Variants in SLC30A7 observed in about 807,000 individuals in gnomAD.
The protein encoded by SLC30A7 is solute carrier family 30 member 7.
Under a neutral mutation model 46.0 loss-of-function variants are expected in SLC30A7, and 35 were observed. That is an observed-to-expected ratio of 0.76 (90% CI 0.58 to 1.01). SLC30A7 has a LOEUF of 1.01. SLC30A7 is among the 50% of genes least tolerant of loss of function. The probability of loss-of-function intolerance (pLI) is 0.00; values close to 1 mark genes in which losing one functional copy is unlikely to be tolerated. For synonymous variants in SLC30A7, 147 were observed against 157.8 expected (o/e 0.93, Z 0.51); for missense variants, 464 against 451.1 (o/e 1.03, Z -0.26).
rs1378796442 is a variant in SLC30A7 at position 100,979,029 on chromosome 1, G to A, written c.*4172G>A. The A allele has an allele frequency of 6.6e-6, 1 of 152,024 alleles. No individual in the cohort carries two copies. Among genetic ancestry groups the A allele is most frequent in the East Asian group, 1.9e-4 (1 of 5,188 alleles). 9.4% of individuals were successfully genotyped at this position (152,024 alleles called of 1,614,324 possible). A position where few individuals can be genotyped will look rare whatever the true frequency, so the allele number is the denominator to read the frequency against. ...GGTCATACCATTTCATTCTTGTCGT[G>A]TTGGCTTCCAGTCACTGGAAAAGCT... On this transcript the variant is annotated 3_prime_UTR_variant, in exon 11 of 11. Coordinates refer to ENST00000357650, the MANE Select transcript of SLC30A7 (RefSeq NM_133496.5).
intron 8 of SLC30A7, among the ~76,000 whole-genome samples, chr1:100,944,431 G>T (rs1419413720): frequency 1.3e-5 from 2 of 152,138 alleles, no homozygotes; most frequent in African/African-American, 4.8e-5. Context: ...AAAGCATATT[G>T]AGATTTTTTA....
At chr1:100,926,595 G>A (rs1570540738) in intron 8 of SLC30A7, among the ~76,000 whole-genome samples, 1 of 152,142 alleles carries the variant, frequency 6.6e-6, no homozygotes, top group Non-Finnish European at 1.5e-5. Flanking sequence ...TTTTGGGCAG[G>A]CACACATATC....
At position 100,921,207 on chromosome 1, in the gene SLC30A7, T is replaced by A. The variant is rs541148710; in HGVS notation, c.707-499T>A. ...GTTTAGATAGAGCTTTTAGGATAAT[T>A]AATAAGTGTAACAGGATAAGTGAAA... On this transcript the variant is annotated intron_variant, in intron 7 of 10. Transcript: ENST00000357650. Among the ~76,000 whole-genome samples the A allele has an allele frequency of 2.0e-5, 3 of 152,244 alleles. No homozygotes were observed. In the East Asian group the frequency reaches 5.8e-4, roughly 29 times the overall value.
chr1:100,995,081 A>G, the SLC30A7 span: 1 of 1,500,516 alleles, frequency 6.7e-7, no homozygotes, highest in African/African-American at 1.4e-5. Context: ...AATAAAACAC[A>G]TGTATGCATT....
intron 8 of SLC30A7, among the ~76,000 whole-genome samples, chr1:100,939,332 A>T (rs896931064): frequency 7.2e-5 from 11 of 152,186 alleles, no homozygotes; most frequent in African/African-American, 2.7e-4. Context: ...AAAGTTACAG[A>T]TATAAGATTG....
chr1:100,959,253 A>G (rs1008509157), intron 8 of SLC30A7, among the ~76,000 whole-genome samples: 9 of 152,244 alleles, frequency 5.9e-5, no homozygotes, highest in Non-Finnish European at 1.2e-4. Context: ...ATAGGGTCAC[A>G]TACCTATTTT....
At chr1:100,922,553 A>G (rs1653015790) in intron 8 of SLC30A7, among the ~76,000 whole-genome samples, 1 of 152,220 alleles carries the variant, frequency 6.6e-6, no homozygotes, top group Non-Finnish European at 1.5e-5. Context: ...AAGTCACATT[A>G]TCATTGTAGA....
At chr1:100,992,414 G>T in the SLC30A7 span, among the ~76,000 whole-genome samples, 1 of 151,988 alleles carries the variant, frequency 6.6e-6, no homozygotes, top group African/African-American at 2.4e-5. Flanking sequence ...TCACTTTCTG[G>T]AATGGTGTTA....
rs1235039440 is a variant in SLC30A7, at chr1:100,896,643, G to C, written c.154G>C (p.Glu52Gln). Residue 52 changes from glutamate (E) to glutamine (Q), a missense_variant, in exon 2 of 11, where the codon GAA becomes CAA. Coordinates refer to ENST00000357650, the MANE Select transcript of SLC30A7 (RefSeq NM_133496.5). The stretch of plus-strand genomic sequence containing the variant: ...CCTGAACCTCTCTTTCGCTTTTGTG[G>C]AACTACTCTACGGCATCTGGAGCAA... ...LCLNLSFAFV[E>Q]LLYGIWSNCL... 6.2e-7 allele frequency: 1 copy of C among 1,614,084 alleles called. No homozygotes were observed. Among genetic ancestry groups the C allele is most frequent in the Admixed American group, 1.7e-5 (1 of 60,008 alleles).
At chr1:100,968,990 T>C (rs1656009095) in intron 10 of SLC30A7, among the ~76,000 whole-genome samples, 2 of 152,328 alleles carry the variant, frequency 1.3e-5, no homozygotes, top group South Asian at 4.1e-4. Context: ...AAATCTGTCT[T>C]TCTGATAAAG....
intron 9 of SLC30A7, 65 bp from the exon 10 acceptor site, chr1:100,965,704 A>T: frequency 1.5e-6 from 2 of 1,355,380 alleles, no homozygotes; most frequent in Non-Finnish European, 1.1e-6. Flanking sequence ...ATGTTGCATA[A>T]TAACTTAAGT....
chr1:100,969,233 T>C (rs1656021257), intron 10 of SLC30A7, among the ~76,000 whole-genome samples: 1 of 152,224 alleles, frequency 6.6e-6, no homozygotes. Context: ...TCACAATGTG[T>C]CTGAATCCTT....
chr1:100,965,864 A>G lies in SLC30A7; in HGVS notation c.1029A>G (p.Ala343=), dbSNP rs190202631. 291 of 1,613,982 alleles carry G rather than the reference A, an allele frequency of 1.8e-4. 4 individuals are homozygous for G. In the East Asian group the frequency reaches 4.3e-3, roughly 24 times the overall value. Residue 343 remains alanine (A), a synonymous_variant, in exon 10 of 11, where the codon GCA becomes GCG. Transcript: ENST00000357650. ...TTGGGACCTTGAAATTAATAGTAGC[A>G]CCTGATGCTGATGCTAGGTGGATTT... ...VYVGTLKLIV[A]PDADARWILS... is the part of the protein sequence containing the mutation.
At chr1:100,896,386 G>A (rs1650930809) in intron 1 of SLC30A7, 44 bp downstream of exon 1, 6 of 1,602,430 alleles carry the variant, frequency 3.7e-6, no homozygotes, top group Non-Finnish European at 5.1e-6. Flanking sequence ...CCGGCAGAAA[G>A]GGAGAAGGCC....
chr1:100,963,297 G>A (rs1042704552), intron 9 of SLC30A7, among the ~76,000 whole-genome samples: 12 of 152,198 alleles, frequency 7.9e-5, no homozygotes, highest in African/African-American at 1.4e-4. Flanking sequence ...GGTTAGTGGT[G>A]TGCTGGAAAA....
the SLC30A7 span, among the ~76,000 whole-genome samples, chr1:100,993,609 C>A: frequency 1.1e-5 from 1 of 88,112 alleles, no homozygotes. Context: ...GCTATTGTGG[C>A]TTACAACACA....
At chr1:100,932,521 T>C (rs1424425758) in intron 8 of SLC30A7, among the ~76,000 whole-genome samples, 2 of 152,226 alleles carry the variant, frequency 1.3e-5, no homozygotes, top group African/African-American at 4.8e-5. Flanking sequence ...TGGTATAATA[T>C]AACTAGATAT....
intron 8 of SLC30A7, among the ~76,000 whole-genome samples, chr1:100,955,276 A>G (rs781371887): frequency 6.6e-6 from 1 of 152,184 alleles, no homozygotes. Context: ...ATTTGAATAT[A>G]TTTTTACTTG....
At chr1:100,930,878 G>A (rs922655535) in intron 8 of SLC30A7, among the ~76,000 whole-genome samples, 5 of 151,882 alleles carry the variant, frequency 3.3e-5, no homozygotes, top group South Asian at 4.1e-4. Flanking sequence ...TATAAAAACT[G>A]ATTAGTCTAA....
Sources: allele counts gnomAD v4.1 joint callset (sites outside exome capture counted in the v4.1 genomes callset), GRCh38; gene constraint gnomAD v4.1.1; transcripts MANE v1.5; gene names NCBI Gene and HGNC (gene_info 2026-07-23, HGNC 2026-07-21).